The following LATS2 variants were observed in gnomAD, a reference collection of about 807,000 sequenced individuals.
The protein encoded by LATS2 is serine/threonine-protein kinase LATS2.
In LATS2, 24 loss-of-function variants were observed where a neutral mutation model predicts 76.0. That is an observed-to-expected ratio of 0.32 (90% CI 0.23 to 0.44). The LOEUF (loss-of-function observed/expected upper bound fraction) is 0.44. Ranked by LOEUF, LATS2 falls within the 20% of genes least tolerant of loss-of-function variation. The pLI, the probability that LATS2 is intolerant of heterozygous loss-of-function variation, is 1.00. For synonymous variants in LATS2, 692 were observed against 635.4 expected (o/e 1.09, Z -1.34); for missense variants, 1,286 against 1,481.2 (o/e 0.87, Z 2.16).
chr13:21,038,907 G>A (rs1411799072), intron 2 of LATS2, among the ~76,000 whole-genome samples: 2 of 152,238 alleles, frequency 1.3e-5, no homozygotes, highest in Non-Finnish European at 1.5e-5. Context: ...TTGAACCCGC[G>A]AGGCGGAGGT....
rs752418117 is a variant in LATS2, at chr13:20,988,838, C to T, written c.942G>A (p.Pro314=). ...GACCGGCCTGCTTGTGGTGTGGGTG[C>T]GGCACGTAGAGCCCGGCGGCAGGGG... is the stretch of plus-strand genomic sequence containing the variant. ...FPPPAAGLYV[P]HPHHKQAGPA... Residue 314 remains proline (P), a synonymous_variant, in exon 4 of 8, where the codon CCG becomes CCA. Coordinates refer to ENST00000382592, the MANE Select transcript of LATS2 (RefSeq NM_014572.3). 10 of 1,594,996 alleles carry T rather than the reference C, an allele frequency of 6.3e-6. No individual in the cohort carries two copies. In the African/African-American group the frequency reaches 6.7e-5, roughly 11 times the overall value.
intron 5 of LATS2, among the ~76,000 whole-genome samples, chr13:20,982,647 A>C (rs1416925721): frequency 4.6e-5 from 7 of 152,132 alleles, no homozygotes; most frequent in Admixed American, 4.6e-4. Flanking sequence ...TTAATGAGGC[A>C]GGTGATGGTT....
At chr13:21,057,669 G>A (rs189070256) in intron 1 of LATS2, among the ~76,000 whole-genome samples, 3,377 of 152,102 alleles carry the variant, frequency 0.022, 143 homozygotes, top group African/African-American at 0.077. Context: ...GCATGGTGGC[G>A]GGCGCCTGTA....
intron 2 of LATS2, among the ~76,000 whole-genome samples, chr13:21,039,130 T>C (rs8001991): frequency 0.61 from 93,203 of 151,992 alleles, 30,465 homozygotes; most frequent in Non-Finnish European, 0.73. Flanking sequence ...CAAATTTAAT[T>C]TGAAAGCCAC....
intron 2 of LATS2, chr13:21,018,200 T>C (rs1871885614): frequency 6.6e-6 from 1 of 152,172 alleles, no homozygotes; most frequent in African/African-American, 2.4e-5. Context: ...GTAAAATACT[T>C]AGAATTCACT....
intron 2 of LATS2, among the ~76,000 whole-genome samples, chr13:21,033,276 G>A (rs760692992): frequency 6.6e-6 from 1 of 152,064 alleles, no homozygotes; most frequent in Non-Finnish European, 1.5e-5. Flanking sequence ...GAGAGAATAG[G>A]GGGTAGAGGG....
chr13:21,049,531 G>A (rs1014647984), intron 1 of LATS2, among the ~76,000 whole-genome samples: 26 of 152,132 alleles, frequency 1.7e-4, no homozygotes, highest in Non-Finnish European at 8.8e-5. Flanking sequence ...AGGCCCTCCC[G>A]GCTCACTCAC....
chr13:20,989,963 C>G (rs1412018928), intron 3 of LATS2, among the ~76,000 whole-genome samples: 1 of 152,202 alleles, frequency 6.6e-6, no homozygotes, highest in Non-Finnish European at 1.5e-5. Context: ...AAACAGACAC[C>G]GGAAGGAAGG....
At chr13:21,019,171 A>G (rs1031471372) in intron 2 of LATS2, among the ~76,000 whole-genome samples, 1 of 152,196 alleles carries the variant, frequency 6.6e-6, no homozygotes, top group Middle Eastern at 3.2e-3. Context: ...TTAAGCACGT[A>G]AGACAGTGCT....
intron 1 of LATS2, among the ~76,000 whole-genome samples, chr13:21,050,888 T>C (rs1327910470): frequency 6.6e-6 from 1 of 152,214 alleles, no homozygotes; most frequent in African/African-American, 2.4e-5. Context: ...TGGAGCCCTG[T>C]GGGCAAGAGG....
At chr13:21,049,358 C>T (rs969433139) in intron 1 of LATS2, among the ~76,000 whole-genome samples, 2 of 152,120 alleles carry the variant, frequency 1.3e-5, no homozygotes, top group Non-Finnish European at 2.9e-5. Flanking sequence ...GGGTGAGGAG[C>T]AGCAGCCCCG....
chr13:21,015,024 C>T (rs370695534), intron 2 of LATS2, among the ~76,000 whole-genome samples: 1 of 152,190 alleles, frequency 6.6e-6, no homozygotes, highest in South Asian at 2.1e-4. Context: ...CCCTGGGGTC[C>T]AACACATGGC....
intron 1 of LATS2, among the ~76,000 whole-genome samples, chr13:21,059,822 T>A (rs1295726298): frequency 3.3e-5 from 5 of 150,972 alleles, no homozygotes; most frequent in East Asian, 2.0e-4. Flanking sequence ...CAAAATTAGC[T>A]GGGCTGGTGG....
rs1313784927 is a variant in LATS2 at position 20,981,540 on chromosome 13, T to G, written c.2591A>C (p.Gln864Pro). 2.5e-6 allele frequency: 4 copies of G among 1,614,194 alleles called. No homozygotes were observed. Among genetic ancestry groups the G allele is most frequent in the Non-Finnish European group, 3.4e-6 (4 of 1,180,028 alleles). ...LKTLEQRARK[Q>P]HQRCLAHSLV... is the part of the protein sequence containing the mutation. ...TGAATGTGCCAGGCACCTCTGGTGC[T>G]GCTTCCGCGCCCTCTGCTCTAGGGT... The change falls in exon 6 of 8, where the codon CAG becomes CCG. Residue 864 changes from glutamine (Q) to proline (P), a missense_variant. By Grantham distance (76) the Gln-to-Pro change is moderately conservative. Around this residue, in one of 5 missense-constraint regions of LATS2, gnomAD observed 247 missense variants for 385.4 expected, o/e 0.64. Coordinates refer to ENST00000382592, the MANE Select transcript of LATS2 (RefSeq NM_014572.3).
In LATS2 at chr13:21,045,860, T is replaced by A. The variant is rs1228976544; in HGVS notation, c.167A>T (p.Asp56Val). ...SLDAKVLGSK[D>V]ATRQQQQMRA... ...CATCTGCTGCTGCTGCCTGGTGGCA[T>A]CTTTGCTCCCCAGGACTTTGGCATC... Residue 56 changes from aspartate to valine, a missense_variant, in exon 2 of 8, where the codon GAT becomes GTT. Coordinates refer to ENST00000382592, the MANE Select transcript of LATS2 (RefSeq NM_014572.3). The A allele has an allele frequency of 4.3e-6, 7 of 1,614,096 alleles. No homozygotes were observed. In the Admixed American group the frequency reaches 8.3e-5, roughly 19 times the overall value.
chr13:21,000,146 C>A (rs1302981991), intron 2 of LATS2, among the ~76,000 whole-genome samples: 1 of 152,170 alleles, frequency 6.6e-6, no homozygotes, highest in Non-Finnish European at 1.5e-5. Context: ...CTTTGGGAAG[C>A]CGAGGCGGGC....
chr13:21,053,467 C>T (rs571238692), intron 1 of LATS2, among the ~76,000 whole-genome samples: 3 of 152,084 alleles, frequency 2.0e-5, no homozygotes, highest in Admixed American at 2.0e-4. Context: ...TTTGGTTTAC[C>T]CCCATCTACT....
intron 2 of LATS2, among the ~76,000 whole-genome samples, chr13:21,034,489 A>G (rs1872631675): frequency 6.6e-6 from 1 of 152,320 alleles, no homozygotes; most frequent in Middle Eastern, 3.4e-3. Flanking sequence ...CCTGGCTCAG[A>G]CCTGGAACAC....
chr13:21,020,751 A>G (rs1595239806), intron 2 of LATS2, among the ~76,000 whole-genome samples: 1 of 152,172 alleles, frequency 6.6e-6, no homozygotes, highest in Admixed American at 6.5e-5. Flanking sequence ...TGGGGACATA[A>G]GCTGACAACT....
Sources: gnomAD v4.1 joint callset for allele counts (sites outside exome capture counted in the v4.1 genomes callset) on GRCh38, gnomAD v4.1.1 for gene constraint, gnomAD v4.1.1 regional missense constraint, MANE v1.5 for transcripts, NCBI Gene and HGNC (gene_info 2026-07-23, HGNC 2026-07-21) for gene names.